DLG2: variants seen among roughly 807,000 people sequenced by gnomAD.
DLG2 encodes disks large homolog 2.
In DLG2, 45 loss-of-function variants were observed where a neutral mutation model predicts 132.5. The observed-to-expected ratio is 0.34, with a 90% CI of 0.27 to 0.44. The LOEUF (loss-of-function observed/expected upper bound fraction) is 0.44. DLG2 is among the 20% of genes least tolerant of loss of function. The pLI is 1.00. For missense variants in DLG2, 1,045 were observed against 1,196.9 expected, an observed-to-expected ratio of 0.87 and a Z score of 1.87; for synonymous variants, 424 against 419.6, an observed-to-expected ratio of 1.01 and a Z score of -0.13.
At chr11:83,875,968 G>C (rs1019782705) in intron 15 of DLG2, among the ~76,000 whole-genome samples, 1 of 152,158 alleles carries the variant, frequency 6.6e-6, no homozygotes, top group Non-Finnish European at 1.5e-5. Flanking sequence ...TCAAGTTAAA[G>C]ACTGTGTTTC....
At chr11:85,559,505 A>G (rs2077110565) in intron 3 of DLG2, among the ~76,000 whole-genome samples, 1 of 151,550 alleles carries the variant, frequency 6.6e-6, no homozygotes, top group Admixed American at 6.6e-5. Flanking sequence ...AACCGAAAAC[A>G]GTATCTCACT....
intron 6 of DLG2, among the ~76,000 whole-genome samples, chr11:84,775,196 A>G (rs2153896734): frequency 6.6e-6 from 1 of 152,116 alleles, no homozygotes; most frequent in East Asian, 1.9e-4. Flanking sequence ...ACTAATCACC[A>G]CGAAAATGCA....
At chr11:83,504,427 T>G (rs2094592034) in intron 21 of DLG2, among the ~76,000 whole-genome samples, 2 of 152,186 alleles carry the variant, frequency 1.3e-5, no homozygotes, top group African/African-American at 4.8e-5. Context: ...TGCATACTCT[T>G]CCTTACCTCC....
chr11:83,773,819 G>A (rs1424539920), intron 18 of DLG2, among the ~76,000 whole-genome samples: 1 of 152,200 alleles, frequency 6.6e-6, no homozygotes, highest in East Asian at 1.9e-4. Flanking sequence ...TTCGGACACG[G>A]CTGTGAGCAA....
chr11:84,387,380 GT>G (rs2154437661), intron 7 of DLG2, among the ~76,000 whole-genome samples: 1 of 151,940 alleles, frequency 6.6e-6, no homozygotes, highest in Non-Finnish European at 1.5e-5. Flanking sequence ...TAAGAAATTG[GT>G]TATATAGAAT....
intron 19 of DLG2, among the ~76,000 whole-genome samples, chr11:83,557,912 A>C (rs192402560): frequency 6.6e-6 from 1 of 152,168 alleles, no homozygotes; most frequent in African/African-American, 2.4e-5. Context: ...ATTTAGATCA[A>C]TTCTGGCAGG....
chr11:83,818,279 C>T (rs997171705), intron 17 of DLG2, among the ~76,000 whole-genome samples: 2 of 152,182 alleles, frequency 1.3e-5, no homozygotes, highest in African/African-American at 4.8e-5. Flanking sequence ...TTCAAAACTT[C>T]TGCATTGGAC....
At chr11:84,911,079 A>G (rs1237638450) in intron 6 of DLG2, among the ~76,000 whole-genome samples, 1 of 152,168 alleles carries the variant, frequency 6.6e-6, no homozygotes, top group African/African-American at 2.4e-5. Flanking sequence ...AAAAATAATT[A>G]TTAATATTTT....
At chr11:85,472,308 T>G (rs1425885785) in intron 3 of DLG2, among the ~76,000 whole-genome samples, 1 of 152,118 alleles carries the variant, frequency 6.6e-6, no homozygotes, top group Non-Finnish European at 1.5e-5. Context: ...TTTTTGTTTT[T>G]GTTTTTGTTT....
intron 18 of DLG2, among the ~76,000 whole-genome samples, chr11:83,756,092 A>C (rs1458855847): frequency 6.6e-6 from 1 of 151,426 alleles, no homozygotes; most frequent in Non-Finnish European, 1.5e-5. Context: ...CTCTAGAGCC[A>C]AAAGAATAGT....
intron 6 of DLG2, chr11:84,762,047 T>C (rs955729330): frequency 2.4e-4 from 37 of 152,086 alleles, no homozygotes; most frequent in African/African-American, 8.4e-4. Flanking sequence ...GATCTAAACA[T>C]AGCTGGGTTT....
rs776520658 is a variant in DLG2 at position 85,285,263 on chromosome 11, G to T, written c.143C>A (p.Ser48Tyr). 5.0e-6 allele frequency: 8 copies of T among 1,611,878 alleles called. No individual in the cohort carries two copies. Among genetic ancestry groups the T allele is most frequent in the Non-Finnish European group, 6.8e-6 (8 of 1,178,596 alleles). Reference protein sequence around the residue: ...NQVLQKWEKTSLLAPCHDRLQ... With the variant: ...NQVLQKWEKTYLLAPCHDRLQ... ...TCTGTCATGGCACGGAGCAAGAAGG[G>T]ATGTCTTCTCCCATTTCTGTAAAAC... Residue 48 changes from serine (S) to tyrosine (Y), a missense_variant, in exon 4 of 28, where the codon TCC becomes TAC. Ser to Tyr is a moderately radical substitution (Grantham distance 144). Coordinates refer to ENST00000376104, the MANE Select transcript of DLG2 (RefSeq NM_001142699.3).
At chr11:83,986,583 G>A (rs2093333965) in intron 11 of DLG2, among the ~76,000 whole-genome samples, 1 of 151,584 alleles carries the variant, frequency 6.6e-6, no homozygotes, top group Non-Finnish European at 1.5e-5. Context: ...CCAGTAATGG[G>A]ATGGCTGGGT....
chr11:85,251,176 AG>A (rs1293025107), intron 4 of DLG2, among the ~76,000 whole-genome samples: 1 of 152,210 alleles, frequency 6.6e-6, no homozygotes, highest in East Asian at 1.9e-4. Flanking sequence ...TGCCTGGAGC[AG>A]GAAGTGTGTG....
chr11:84,420,478 C>T (rs2098944825), intron 7 of DLG2, among the ~76,000 whole-genome samples: 1 of 151,904 alleles, frequency 6.6e-6, no homozygotes, highest in South Asian at 2.1e-4. Context: ...CACTTTATTT[C>T]CCCCAACACC....
intron 10 of DLG2, among the ~76,000 whole-genome samples, chr11:84,091,402 G>A (rs58819811): frequency 1.8e-4 from 27 of 152,246 alleles, no homozygotes; most frequent in East Asian, 1.5e-3. Context: ...CCCTCCACCC[G>A]AGGGACTAGA....
At chr11:84,306,514 T>C (rs2098220589) in intron 7 of DLG2, among the ~76,000 whole-genome samples, 1 of 152,234 alleles carries the variant, frequency 6.6e-6, no homozygotes, top group Non-Finnish European at 1.5e-5. Flanking sequence ...CCCTTGATTT[T>C]CGCGGAGTTA....
intron 7 of DLG2, chr11:84,273,298 T>C (rs141226187): frequency 1.4e-5 from 19 of 1,337,434 alleles, no homozygotes; most frequent in Admixed American, 7.5e-5. Context: ...CAGAACCCAG[T>C]TGAAGAGGAA....
intron 7 of DLG2, among the ~76,000 whole-genome samples, chr11:84,459,322 T>G (rs2099073949): frequency 6.6e-6 from 1 of 150,760 alleles, no homozygotes; most frequent in African/African-American, 2.4e-5. Flanking sequence ...TAATGTTAAT[T>G]AATATATAAT....
Sources: gnomAD v4.1 joint callset for allele counts (sites outside exome capture counted in the v4.1 genomes callset) on GRCh38, gnomAD v4.1.1 for gene constraint, MANE v1.5 for transcripts, NCBI Gene and HGNC (gene_info 2026-07-23, HGNC 2026-07-21) for gene names.